PHACTR3: variants seen among roughly 807,000 people sequenced by gnomAD.
The protein encoded by PHACTR3 is phosphatase and actin regulator 3.
PHACTR3 carries 16 observed loss-of-function variants against 66.8 expected under a neutral mutation model. The observed-to-expected ratio is 0.24, with a 90% CI of 0.16 to 0.36. The LOEUF (loss-of-function observed/expected upper bound fraction) is 0.36. PHACTR3 is among the 10% of genes least tolerant of loss of function. The probability of loss-of-function intolerance (pLI) is 1.00; values close to 1 mark genes in which losing one functional copy is unlikely to be tolerated. For synonymous variants in PHACTR3, 323 were observed against 292.1 expected (o/e 1.11, Z -1.08); for missense variants, 647 against 719.9 (o/e 0.90, Z 1.16).
At chr20:59,697,976 T>C (rs2037361463) in intron 1 of PHACTR3, among the ~76,000 whole-genome samples, 1 of 151,986 alleles carries the variant, frequency 6.6e-6, no homozygotes, top group South Asian at 2.1e-4. Context: ...TCAAGTAAAA[T>C]TGGAAAAACA....
intron 7 of PHACTR3, among the ~76,000 whole-genome samples, chr20:59,803,640 C>T (rs2041482637): frequency 6.6e-6 from 1 of 152,166 alleles, no homozygotes; most frequent in African/African-American, 2.4e-5. Flanking sequence ...CATTCCGTAA[C>T]ATATACGCCA....
intron 1 of PHACTR3, among the ~76,000 whole-genome samples, chr20:59,644,154 AG>A (rs567980631): frequency 2.0e-5 from 3 of 152,190 alleles, no homozygotes; most frequent in Non-Finnish European, 4.4e-5. Flanking sequence ...ATGAAGTCAA[AG>A]GCCATTGCGT....
At chr20:59,772,355 C>T (rs937914824) in intron 5 of PHACTR3, among the ~76,000 whole-genome samples, 2 of 152,112 alleles carry the variant, frequency 1.3e-5, no homozygotes, top group African/African-American at 4.8e-5. Flanking sequence ...AAGTGCCAGG[C>T]CTGGGGAAAC....
intron 1 of PHACTR3, among the ~76,000 whole-genome samples, chr20:59,668,302 G>A (rs1418682872): frequency 6.6e-6 from 1 of 152,018 alleles, no homozygotes; most frequent in African/African-American, 2.4e-5. Flanking sequence ...GGTTAGAGGT[G>A]GACATATACG....
chr20:59,791,863 G>A (rs1055619584), intron 7 of PHACTR3, among the ~76,000 whole-genome samples: 2 of 151,866 alleles, frequency 1.3e-5, no homozygotes, highest in East Asian at 3.9e-4. Context: ...AGTATACATT[G>A]CTCAAAGGAG....
chr20:59,657,755 A>G (rs1163850915), intron 1 of PHACTR3, among the ~76,000 whole-genome samples: 1 of 152,006 alleles, frequency 6.6e-6, no homozygotes, highest in Non-Finnish European at 1.5e-5. Flanking sequence ...GTTTCTCAAC[A>G]TTTTGATTTT....
intron 3 of PHACTR3, among the ~76,000 whole-genome samples, chr20:59,754,763 A>G (rs1295033468): frequency 6.6e-6 from 1 of 152,226 alleles, no homozygotes; most frequent in African/African-American, 2.4e-5. Context: ...AACAGGAGGG[A>G]CGAGCAGGGA....
In PHACTR3 at chr20:59,605,138, G is replaced by A. The variant is rs1169513500; in HGVS notation, c.118+6G>A. The A allele has an allele frequency of 2.3e-6, 3 of 1,324,954 alleles. No individual in the cohort carries two copies. Among genetic ancestry groups the A allele is most frequent in the Non-Finnish European group, 9.7e-7 (1 of 1,033,392 alleles). The allele number at this position is 1,324,954 out of a possible 1,614,324, so 82.1% of individuals were successfully genotyped here. On this transcript the variant is annotated splice_donor_region_variant and intron_variant, in intron 1 of 12. Transcript: ENST00000371015. ...GGACGCCGGGGAGAACCCAGGTAAC[G>A]GGCTGGGCGGGGGCGGCGGGCGGGT...
At chr20:59,668,934 G>A (rs1342420695) in intron 1 of PHACTR3, among the ~76,000 whole-genome samples, 1 of 129,830 alleles carries the variant, frequency 7.7e-6, no homozygotes, top group Non-Finnish European at 1.6e-5. Flanking sequence ...TTTTAGTAGA[G>A]ACAGGGTTTC....
rs924561980 is a variant in PHACTR3, at chr20:59,688,463, G to A, written c.119-54644G>A. On this transcript the variant is annotated intron_variant, in intron 1 of 12. Coordinates refer to ENST00000371015, the MANE Select transcript of PHACTR3 (RefSeq NM_080672.5). Reference sequence around the variant, plus strand: ...ACAGGACTATATTGTTAGTAGTACTGGGAAAGCCTAGTCGGCTTTATCTTT... The same window carrying A: ...ACAGGACTATATTGTTAGTAGTACTAGGAAAGCCTAGTCGGCTTTATCTTT... 7.2e-5 allele frequency among the ~76,000 whole-genome samples: 11 copies of A among 152,266 alleles called. No individual in the cohort carries two copies. In the East Asian group the frequency reaches 1.9e-3, roughly 27 times the overall value.
intron 1 of PHACTR3, among the ~76,000 whole-genome samples, chr20:59,665,092 A>G (rs898569967): frequency 2.0e-5 from 3 of 152,240 alleles, no homozygotes; most frequent in Non-Finnish European, 4.4e-5. Context: ...TTTATTTTCA[A>G]AACTACAGGC....
intron 1 of PHACTR3, among the ~76,000 whole-genome samples, chr20:59,673,994 G>A (rs758038188): frequency 3.3e-5 from 5 of 152,136 alleles, no homozygotes; most frequent in Admixed American, 6.5e-5. Flanking sequence ...AGGAAATCCC[G>A]CGCTGGTCTC....
chr20:59,645,674 T>TGTGTGTGTG (rs2035258497), intron 1 of PHACTR3, among the ~76,000 whole-genome samples: 1 of 152,166 alleles, frequency 6.6e-6, no homozygotes, highest in South Asian at 2.1e-4. Flanking sequence ...CATGTACATA[T>TGTGTGTGTG]GTGTGTGTGG....
intron 7 of PHACTR3, among the ~76,000 whole-genome samples, chr20:59,781,392 C>T (rs1324526035): frequency 6.6e-6 from 1 of 152,210 alleles, no homozygotes; most frequent in Non-Finnish European, 1.5e-5. Flanking sequence ...CGGCGCCCAG[C>T]CTCAGATTAC....
intron 8 of PHACTR3, 65 bp downstream of exon 8, chr20:59,806,259 G>T: frequency 6.4e-7 from 1 of 1,569,482 alleles, no homozygotes; most frequent in Non-Finnish European, 8.6e-7. Context: ...GCCCCTCTGA[G>T]ATCCCACATC....
intron 1 of PHACTR3, among the ~76,000 whole-genome samples, chr20:59,680,317 G>A (rs180904222): frequency 6.6e-6 from 1 of 152,092 alleles, no homozygotes; most frequent in African/African-American, 2.4e-5. Flanking sequence ...GCAGGTTGAA[G>A]AGAACTGTCT....
At chr20:59,652,290 C>T (rs1385755598) in intron 1 of PHACTR3, among the ~76,000 whole-genome samples, 2 of 152,166 alleles carry the variant, frequency 1.3e-5, no homozygotes, top group Non-Finnish European at 2.9e-5. Flanking sequence ...GTAATCCCAG[C>T]ACTTTGGGGT....
At chr20:59,732,635 C>T (rs958332023) in intron 1 of PHACTR3, among the ~76,000 whole-genome samples, 5 of 152,122 alleles carry the variant, frequency 3.3e-5, no homozygotes, top group Non-Finnish European at 5.9e-5. Flanking sequence ...GAAGCCATGG[C>T]CAACATGAGG....
intron 1 of PHACTR3, among the ~76,000 whole-genome samples, chr20:59,652,927 T>C (rs75716164): frequency 0.025 from 3,760 of 152,284 alleles, 62 homozygotes; most frequent in Middle Eastern, 0.058. Context: ...TGTGTGTACT[T>C]AGATTGTTTA....
Sources: gnomAD v4.1 joint callset for allele counts (sites outside exome capture counted in the v4.1 genomes callset) on GRCh38, gnomAD v4.1.1 for gene constraint, MANE v1.5 for transcripts, NCBI Gene and HGNC (gene_info 2026-07-23, HGNC 2026-07-21) for gene names.